Variants in TARBP2 observed in about 807,000 individuals in gnomAD.
TARBP2 encodes TARBP2 subunit of RISC loading complex, also known as RISC-loading complex subunit TARBP2.
In TARBP2, 23 loss-of-function variants were observed where a neutral mutation model predicts 40.4. The observed-to-expected ratio is 0.57, with a 90% CI of 0.41 to 0.81. TARBP2 has a LOEUF of 0.81. Ranked by LOEUF, TARBP2 falls within the 30% of genes least tolerant of loss-of-function variation. The pLI is 0.00. For missense variants in TARBP2, 358 were observed against 473.7 expected, an observed-to-expected ratio of 0.76 and a Z score of 2.27; for synonymous variants, 183 against 190.5, an observed-to-expected ratio of 0.96 and a Z score of 0.32.
Position 53,503,191 on chromosome 12 carries a change from C to T in TARBP2, c.326+62C>T, listed in dbSNP as rs541280505. 4 of 1,484,824 alleles carry T rather than the reference C, an allele frequency of 2.7e-6. No homozygotes were observed. In the South Asian group the frequency reaches 5.4e-5, roughly 20 times the overall value. 92.0% of individuals were successfully genotyped at this position (1,484,824 alleles called of 1,614,324 possible). The stretch of plus-strand genomic sequence containing the variant: ...AGGAACCCAGGCCCTGCACCACCCA[C>T]TCTGCCCCGAGGCCTGGCCAGGTGA... On this transcript the variant is annotated intron_variant, in intron 3 of 8. Transcript: ENST00000266987.
rs568118123 is a variant in TARBP2 at position 53,505,520 on chromosome 12, G to A, written c.742-129G>A. 3.0e-4 allele frequency: 335 copies of A among 1,117,394 alleles called. No homozygotes were observed. Among genetic ancestry groups the A allele is most frequent in the Middle Eastern group, 1.9e-3 (9 of 4,684 alleles). 69.2% of individuals were successfully genotyped at this position (1,117,394 alleles called of 1,614,324 possible). On this transcript the variant is annotated intron_variant, in intron 7 of 8. Coordinates refer to ENST00000266987, the MANE Select transcript of TARBP2 (RefSeq NM_134323.2). This position sits in a 1 kb window ranked among gnomAD's most constrained non-coding sequence, Gnocchi z 4.5. The stretch of plus-strand genomic sequence containing the variant: ...CTGGTAGTTAGAAGGGGCCACCCAG[G>A]GATTGACTGGGGGGAGGCAAGCTGG...
chr12:53,501,744 G>A, intron 1 of TARBP2: 1 of 1,420,650 alleles, frequency 7.0e-7, no homozygotes, highest in Non-Finnish European at 9.2e-7. Context: ...CTGTGTCAGG[G>A]GGTATGCACT....
Position 53,504,760 on chromosome 12 carries a change from A to G in TARBP2, c.558A>G (p.Pro186=), listed in dbSNP as rs779260033. 5.0e-6 allele frequency: 8 copies of G among 1,614,032 alleles called. No individual in the cohort carries two copies. The East Asian group carries it at 1.6e-4, about 31-fold the overall frequency. ...PEYTVTQESG[P]AHRKEFTMTC... ...ACACAGTGACCCAGGAGTCTGGGCCAGCCCACCGCAAAGAATTCACCATGA... is the reference window on the plus strand; with the variant it reads ...ACACAGTGACCCAGGAGTCTGGGCCGGCCCACCGCAAAGAATTCACCATGA... Residue 186 remains proline (P), a synonymous_variant, in exon 6 of 9, where the codon CCA becomes CCG. Coordinates refer to ENST00000266987, the MANE Select transcript of TARBP2 (RefSeq NM_134323.2).
At chr12:53,502,517 A>G (rs1305168720) in intron 2 of TARBP2, 1 of 314,224 alleles carries the variant, frequency 3.2e-6, no homozygotes, top group Non-Finnish European at 6.0e-6. Flanking sequence ...GTGCTTAACC[A>G]AATTCCCGTT....
chr12:53,505,053 G>A lies in TARBP2; in HGVS notation c.614-82G>A. 2 of 1,534,512 alleles carry A rather than the reference G, an allele frequency of 1.3e-6. No individual in the cohort carries two copies. The highest frequency in any genetic ancestry group is 1.8e-6 in the Non-Finnish European group (2 of 1,135,766). ...CCCTTTCCAGTTGACATTCTGGGGG[G>A]ACCCTCAATCCAAGTATGACCTGGG... On this transcript the variant is annotated intron_variant, in intron 6 of 8. Transcript: ENST00000266987. This position sits in a 1 kb window ranked among gnomAD's most constrained non-coding sequence, Gnocchi z 4.5.
Position 53,505,046 on chromosome 12 carries a change from C to G in TARBP2, c.614-89C>G. The G allele has an allele frequency of 5.9e-6, 9 of 1,532,356 alleles. No homozygotes were observed. Among genetic ancestry groups the G allele is most frequent in the Non-Finnish European group, 7.9e-6 (9 of 1,134,732 alleles). The allele number at this position is 1,532,356 out of a possible 1,614,324, so 94.9% of individuals were successfully genotyped here. ...TGAGTTCCCCTTTCCAGTTGACATT[C>G]TGGGGGGACCCTCAATCCAAGTATG... On this transcript the variant is annotated intron_variant, in intron 6 of 8. Coordinates refer to ENST00000266987, the MANE Select transcript of TARBP2 (RefSeq NM_134323.2). The surrounding 1 kb of genome is among the most constrained non-coding windows in gnomAD (Gnocchi z 4.5).
chr12:53,502,363 G>A (rs1343672544), intron 2 of TARBP2, 179 bp downstream of exon 2: 4 of 801,422 alleles, frequency 5.0e-6, no homozygotes, highest in East Asian at 2.7e-5. Flanking sequence ...TGGGTAGGAC[G>A]TGGGAGAGTT....
At chr12:53,501,495 A>G in intron 1 of TARBP2, 34 bp downstream of exon 1, 7 of 1,555,424 alleles carry the variant, frequency 4.5e-6, no homozygotes, top group Non-Finnish European at 6.1e-6. Context: ...TTCAGGGCGA[A>G]AAGCGTGGGG....
chr12:53,501,573 T>A, intron 1 of TARBP2, 112 bp downstream of exon 1: 1 of 1,508,392 alleles, frequency 6.6e-7, no homozygotes, highest in Non-Finnish European at 8.9e-7. Context: ...CGGCAAGCAC[T>A]GGGGCAGTGG....
At chr12:53,501,715 A>T in intron 1 of TARBP2, 1 of 1,432,238 alleles carries the variant, frequency 7.0e-7, no homozygotes, top group Non-Finnish European at 9.1e-7. Flanking sequence ...TTTGGTGGGT[A>T]CTGGGTTCCT....
At position 53,505,941 on chromosome 12, in the gene TARBP2, C is replaced by A; in HGVS notation, c.944-50C>A. On this transcript the variant is annotated intron_variant, in intron 8 of 8. Coordinates refer to ENST00000266987, the MANE Select transcript of TARBP2 (RefSeq NM_134323.2). This position sits in a 1 kb window ranked among gnomAD's most constrained non-coding sequence, Gnocchi z 4.5. ...GATGATAACGTGAACGCACCCCTCC[C>A]CAGGGCTACCTCCCCCAACATTGCC... The A allele has an allele frequency of 6.2e-7, 1 of 1,605,454 alleles. No individual in the cohort carries two copies. Among genetic ancestry groups the A allele is most frequent in the Non-Finnish European group, 8.5e-7 (1 of 1,173,402 alleles).
chr12:53,505,026 T>C lies in TARBP2; in HGVS notation c.614-109T>C. 1 of 1,521,596 alleles carries C rather than the reference T, an allele frequency of 6.6e-7. No homozygotes were observed. The highest frequency in any genetic ancestry group is 8.9e-7 in the Non-Finnish European group (1 of 1,127,826). 94.3% of individuals were successfully genotyped at this position (1,521,596 alleles called of 1,614,324 possible). On this transcript the variant is annotated intron_variant, in intron 6 of 8. Coordinates refer to ENST00000266987, the MANE Select transcript of TARBP2 (RefSeq NM_134323.2). This position sits in a 1 kb window ranked among gnomAD's most constrained non-coding sequence, Gnocchi z 4.5. ...TCACGTGCATGGGCAGGTCTTGAGT[T>C]CCCCTTTCCAGTTGACATTCTGGGG...
Position 53,505,682 on chromosome 12 carries a change from C to A in TARBP2, c.775C>A (p.Arg259=). The change falls in exon 8 of 9, where the codon CGG becomes AGG. Residue 259 remains arginine (R), a synonymous_variant. Coordinates refer to ENST00000266987, the MANE Select transcript of TARBP2 (RefSeq NM_134323.2). This position sits in a 1 kb window ranked among gnomAD's most constrained non-coding sequence, Gnocchi z 4.5. ...VGSRLDGLRN[R]GPGCTWDSLR... is the part of the protein sequence containing the mutation. ...CTCCCGCCTGGATGGTCTTCGAAAC[C>A]GGGGCCCAGGTTGCACCTGGGATTC... 6.2e-7 allele frequency: 1 copy of A among 1,614,042 alleles called. No homozygotes were observed. The highest frequency in any genetic ancestry group is 1.1e-5 in the South Asian group (1 of 91,074).
At position 53,503,583 on chromosome 12, in the gene TARBP2, C is replaced by G; in HGVS notation, c.327-130C>G. On this transcript the variant is annotated intron_variant, in intron 3 of 8. Transcript: ENST00000266987. Reference sequence around the variant, plus strand: ...TCCGAGGAGGAAGCTGTTGGTTGAGCCTCCCTGATTCTTTGGCTCAATTTG... The same window carrying G: ...TCCGAGGAGGAAGCTGTTGGTTGAGGCTCCCTGATTCTTTGGCTCAATTTG... The G allele has an allele frequency of 1.2e-5, 8 of 683,048 alleles. No homozygotes were observed. In the South Asian group the frequency reaches 1.3e-4, roughly 11 times the overall value. The allele number at this position is 683,048 out of a possible 1,614,324, so 42.3% of individuals were successfully genotyped here.
chr12:53,501,502 G>A (rs1943702711), intron 1 of TARBP2, 41 bp downstream of exon 1: 2 of 1,552,834 alleles, frequency 1.3e-6, no homozygotes, highest in African/African-American at 1.4e-5. Context: ...CGAAAAGCGT[G>A]GGGCCGTGCG....
chr12:53,501,119 C>A (rs1943680605), upstream of TARBP2: 7 of 515,850 alleles, frequency 1.4e-5, no homozygotes, highest in Non-Finnish European at 2.4e-5. Context: ...GTATTACAAA[C>A]AAAAAAATAC....
chr12:53,501,847 C>G, intron 1 of TARBP2, 168 bp from the exon 2 acceptor site: 3 of 1,329,150 alleles, frequency 2.3e-6, no homozygotes, highest in Non-Finnish European at 3.0e-6. Flanking sequence ...GTGGGCCCTA[C>G]TTTTCCAGCC....
Position 53,503,728 on chromosome 12 carries a change from A to G in TARBP2, c.342A>G (p.Leu114=), listed in dbSNP as rs1943827151. The change falls in exon 4 of 9, where the codon CTA becomes CTG. Residue 114 remains leucine (L), a synonymous_variant. Transcript: ENST00000266987. ...CCTCGGGAAGTTCTTTTTCTCCCCT[A>G]GACTCTTCACTGCCTGAGGACATTC... ...ALEDSSSFSP[L]DSSLPEDIPV... is the part of the protein sequence containing the mutation. 1 of 1,613,974 alleles carries G rather than the reference A, an allele frequency of 6.2e-7. No individual in the cohort carries two copies. The highest frequency in any genetic ancestry group is 1.1e-5 in the South Asian group (1 of 91,082).
At chr12:53,501,082 G>C (rs1013623912), upstream of TARBP2, 17 of 388,940 alleles carry the variant, frequency 4.4e-5, no homozygotes, top group African/African-American at 3.6e-4. Flanking sequence ...CGGGAGAGAG[G>C]GGGCGCGGAA....
Sources: gnomAD v4.1 joint callset for allele counts on GRCh38, gnomAD v4.1.1 for gene constraint, Gnocchi (gnomAD v3.1) non-coding constraint, MANE v1.5 for transcripts, NCBI Gene and HGNC (gene_info 2026-07-23, HGNC 2026-07-21) for gene names.